TOPBP1: variants seen among roughly 807,000 people sequenced by gnomAD.
The protein encoded by TOPBP1 is DNA topoisomerase II binding protein 1.
Under a neutral mutation model 167.7 loss-of-function variants are expected in TOPBP1, and 28 were observed. The ratio of observed to expected loss-of-function variants is 0.17; its 90% confidence interval spans 0.12 to 0.23. TOPBP1 has a LOEUF of 0.23. TOPBP1 is among the 10% of genes least tolerant of loss of function. The probability of loss-of-function intolerance (pLI) is 1.00; values close to 1 mark genes in which losing one functional copy is unlikely to be tolerated. For synonymous variants in TOPBP1, 598 were observed against 611.4 expected (o/e 0.98, Z 0.32); for missense variants, 1,554 against 1,809.6 (o/e 0.86, Z 2.56).
intron 14 of TOPBP1, among the ~76,000 whole-genome samples, chr3:133,635,891 A>G (rs962375261): frequency 3.3e-5 from 5 of 152,212 alleles, no homozygotes; most frequent in African/African-American, 1.2e-4. Context: ...ATGCCCATCA[A>G]CAGTACACTG....
At chr3:133,640,261 G>T in intron 12 of TOPBP1, 91 bp from the exon 13 acceptor site, 3 of 1,055,376 alleles carry the variant, frequency 2.8e-6, no homozygotes, top group South Asian at 1.5e-5. Context: ...TGTGGTTAGA[G>T]ATCATGTAAG....
intron 12 of TOPBP1, among the ~76,000 whole-genome samples, chr3:133,642,382 T>A (rs1362304332): frequency 3.6e-5 from 2 of 56,172 alleles, no homozygotes; most frequent in East Asian, 1.8e-3. Context: ...CTTTTTCAAG[T>A]CTTTTAGCTT....
At chr3:133,634,563 C>A (rs1026653965) in intron 14 of TOPBP1, among the ~76,000 whole-genome samples, 1 of 151,520 alleles carries the variant, frequency 6.6e-6, no homozygotes, top group Non-Finnish European at 1.5e-5. Context: ...GACCTCCAGG[C>A]AAAAAGATGA....
chr3:133,653,068 TTTATC>T lies in TOPBP1; in HGVS notation c.922+272_922+276del, dbSNP rs1936356508. 2.6e-5 allele frequency among the ~76,000 whole-genome samples: 4 copies of T among 152,332 alleles called. No homozygotes were observed. In the South Asian group the frequency reaches 6.2e-4, roughly 24 times the overall value. On this transcript the variant is annotated intron_variant, in intron 7 of 27. Coordinates refer to ENST00000260810, the MANE Select transcript of TOPBP1 (RefSeq NM_007027.4). ...ATGTAATGTTTAAAAGATTAATACT[TTTATC>T]TTAAGCCCCCAGCTACCATTGTTCT...
Position 133,618,401 on chromosome 3 carries a change from G to A in TOPBP1, c.3404C>T (p.Thr1135Ile). The A allele has an allele frequency of 1.2e-6, 2 of 1,613,912 alleles. No individual in the cohort carries two copies. Among genetic ancestry groups the A allele is most frequent in the Non-Finnish European group, 1.7e-6 (2 of 1,179,838 alleles). ...QSRQTVPDVN[T>I]EPSQNEQIIW... ...GATCTGTTCATTTTGGGAAGGCTCT[G>A]TGTTGACATCAGGTACTGTCTGACG... The change falls in exon 21 of 28, where the codon ACA becomes ATA. Residue 1135 changes from threonine (T) to isoleucine (I), a missense_variant. Coordinates refer to ENST00000260810, the MANE Select transcript of TOPBP1 (RefSeq NM_007027.4).
In TOPBP1 at chr3:133,637,882, A is replaced by T; in HGVS notation, c.2514T>A (p.Asp838Glu). ...CACTGCCTATAAACCTTACCTTCAC[A>T]TCAAAGGAAGGCTTGAAGAGTTTGT... is the stretch of plus-strand genomic sequence containing the variant. ...SKDKLFKPSF[D>E]VKDALAALET... Residue 838 changes from aspartate to glutamate, a missense_variant, in exon 14 of 28, where the codon GAT becomes GAA. This residue lies in a region of TOPBP1 where 1,197 missense variants were observed against 1,351.5 expected (regional missense o/e 0.89). Coordinates refer to ENST00000260810, the MANE Select transcript of TOPBP1 (RefSeq NM_007027.4). The T allele has an allele frequency of 6.2e-7, 1 of 1,613,658 alleles. No homozygotes were observed. The highest frequency in any genetic ancestry group is 8.5e-7 in the Non-Finnish European group (1 of 1,179,674).
chr3:133,653,865 C>T (rs549543414), intron 6 of TOPBP1, among the ~76,000 whole-genome samples: 6 of 152,130 alleles, frequency 3.9e-5, no homozygotes, highest in Non-Finnish European at 8.8e-5. Flanking sequence ...CTCCTGACCT[C>T]AGGTGATTCG....
At chr3:133,626,475 TA>T (rs1054519480) in intron 16 of TOPBP1, among the ~76,000 whole-genome samples, 2 of 152,054 alleles carry the variant, frequency 1.3e-5, no homozygotes, top group Admixed American at 6.6e-5. Context: ...TTCACGTATG[TA>T]AAAAAAAGTT....
intron 12 of TOPBP1, 147 bp from the exon 13 acceptor site, chr3:133,640,317 T>G (rs898525593): frequency 1.3e-5 from 9 of 688,544 alleles, no homozygotes; most frequent in African/African-American, 1.3e-4. Context: ...CTATCTGAAA[T>G]TAAGCTAATC....
chr3:133,605,841 T>C (rs1454720245), intron 27 of TOPBP1, among the ~76,000 whole-genome samples: 1 of 152,158 alleles, frequency 6.6e-6, no homozygotes, highest in Non-Finnish European at 1.5e-5. Context: ...AATGATTGCT[T>C]ATGTAGGAAA....
At chr3:133,648,018 C>T (rs1471636015) in intron 10 of TOPBP1, among the ~76,000 whole-genome samples, 1 of 152,104 alleles carries the variant, frequency 6.6e-6, no homozygotes, top group Non-Finnish European at 1.5e-5. Flanking sequence ...TCAGAAGGCA[C>T]AGTGAATCTC....
At chr3:133,639,376 C>G (rs1056678097) in intron 13 of TOPBP1, among the ~76,000 whole-genome samples, 9 of 152,086 alleles carry the variant, frequency 5.9e-5, no homozygotes, top group African/African-American at 2.2e-4. Flanking sequence ...AAACCAAACA[C>G]CGCATGTTCT....
chr3:133,641,080 CT>C (rs896168939), intron 12 of TOPBP1, among the ~76,000 whole-genome samples: 101 of 151,510 alleles, frequency 6.7e-4, no homozygotes, highest in South Asian at 2.1e-3. Flanking sequence ...TTTCCTAGCA[CT>C]TTTTTTTTCT....
rs759938150 is a variant in TOPBP1 at position 133,640,012 on chromosome 3, G to A, written c.2180C>T (p.Thr727Met). ...ATGGCTTTCGTCTGCTCTCTTTCCC[G>A]TTCTAGCAGTCTCCAACAGCCAAGC... ...TIAWLLETARTGKRADESHFL... is the reference protein window; with the variant it reads ...TIAWLLETARMGKRADESHFL... The change falls in exon 13 of 28, where the codon ACG (threonine) becomes ATG (methionine). Residue 727 changes from threonine (T) to methionine (M), a missense_variant. Physicochemically the swap from Thr to Met is moderately conservative, Grantham distance 81. This residue lies in a region of TOPBP1 where 1,197 missense variants were observed against 1,351.5 expected (regional missense o/e 0.89). Transcript: ENST00000260810. The A allele has an allele frequency of 5.2e-5, 84 of 1,613,674 alleles. 1 individual carries two copies. The highest frequency in any genetic ancestry group is 6.2e-5 in the Non-Finnish European group (73 of 1,179,832).
At chr3:133,654,564 T>C (rs1443507666) in intron 6 of TOPBP1, among the ~76,000 whole-genome samples, 4 of 152,194 alleles carry the variant, frequency 2.6e-5, no homozygotes, top group Admixed American at 6.5e-5. Flanking sequence ...TAATCGTAAT[T>C]TCTTCTCAAT....
intron 22 of TOPBP1, 40 bp downstream of exon 22, chr3:133,617,120 G>A: frequency 6.4e-7 from 1 of 1,555,470 alleles, no homozygotes; most frequent in South Asian, 1.2e-5. Flanking sequence ...CCTAACAGCA[G>A]TATGCAAAAG....
chr3:133,657,980 A>G (rs62282430), intron 3 of TOPBP1, 39 bp from the exon 4 acceptor site: 28,745 of 1,458,354 alleles, frequency 0.02, 404 homozygotes, highest in Middle Eastern at 0.048. Context: ...TTAAGAAGGA[A>G]AAGACCACCA....
chr3:133,608,473 CT>C lies in TOPBP1; in HGVS notation c.4425+61del, dbSNP rs1260351562. ...AGCTGAAGGTTTTGTTGTGCAGTTA[CT>C]TATCTATGCACATAAACGTATCTCT... On this transcript the variant is annotated intron_variant, in intron 27 of 27. Coordinates refer to ENST00000260810, the MANE Select transcript of TOPBP1 (RefSeq NM_007027.4). 6 of 1,558,734 alleles carry C rather than the reference CT, an allele frequency of 3.8e-6. No individual in the cohort carries two copies. The East Asian group carries it at 9.0e-5, about 23-fold the overall frequency.
At chr3:133,617,366 TA>T (rs759758678) in intron 21 of TOPBP1, 40 bp from the exon 22 acceptor site, 25 of 1,517,058 alleles carry the variant, frequency 1.6e-5, no homozygotes, top group Non-Finnish European at 2.1e-5. Context: ...AGGATCCAAA[TA>T]AGACTAAAAA....
Sources: gnomAD v4.1 joint callset for allele counts (sites outside exome capture counted in the v4.1 genomes callset) on GRCh38, gnomAD v4.1.1 for gene constraint, gnomAD v4.1.1 regional missense constraint, MANE v1.5 for transcripts, NCBI Gene and HGNC (gene_info 2026-07-23, HGNC 2026-07-21) for gene names.